Variants in MARCHF6 observed in about 807,000 individuals in gnomAD.
MARCHF6 encodes the protein membrane associated ring-CH-type finger 6.
MARCHF6 carries 31 observed loss-of-function variants against 133.7 expected under a neutral mutation model. That is an observed-to-expected ratio of 0.23 (90% CI 0.17 to 0.31). The LOEUF is 0.31. Ranked by LOEUF, MARCHF6 falls within the 10% of genes least tolerant of loss-of-function variation. The probability of loss-of-function intolerance (pLI) is 1.00; values close to 1 mark genes in which losing one functional copy is unlikely to be tolerated. For synonymous variants in MARCHF6, 395 were observed against 402.5 expected, an observed-to-expected ratio of 0.98 and a Z score of 0.22; for missense variants, 723 against 1,121.6, an observed-to-expected ratio of 0.64 and a Z score of 5.08.
rs778318647 is a variant in MARCHF6 at position 10,433,658 on chromosome 5, C to T, written c.2707C>T (p.Pro903Ser). ...RKSGKQGSSP[P>S]PPQSSQE ...ATCTGGCAAACAAGGCTCATCTCCACCACCTCCACAGTCATCCCAAGAATA... is the reference window on the plus strand; with the variant it reads ...ATCTGGCAAACAAGGCTCATCTCCATCACCTCCACAGTCATCCCAAGAATA... The change falls in exon 26 of 26, where the codon CCA becomes TCA. Residue 903 changes from proline to serine, a missense_variant. Pro to Ser is a moderately conservative substitution (Grantham distance 74, BLOSUM62 -1). Coordinates refer to ENST00000274140, the MANE Select transcript of MARCHF6 (RefSeq NM_005885.4). 4.3e-6 allele frequency: 7 copies of T among 1,614,064 alleles called. No homozygotes were observed. In the African/African-American group the frequency reaches 8.0e-5, roughly 18 times the overall value.
At chr5:10,373,855 A>G (rs951045238) in intron 1 of MARCHF6, among the ~76,000 whole-genome samples, 8 of 152,096 alleles carry the variant, frequency 5.3e-5, no homozygotes, top group African/African-American at 1.9e-4. Flanking sequence ...AATCCACAGT[A>G]TTGTTGTGAA....
intron 11 of MARCHF6, 114 bp from the exon 12 acceptor site, chr5:10,401,945 T>C (rs777864810): frequency 4.4e-6 from 3 of 681,984 alleles, no homozygotes; most frequent in Admixed American, 5.1e-5. Flanking sequence ...TGTTTCCTGG[T>C]TATAAATTGT....
Position 10,396,008 on chromosome 5 carries a change from A to G in MARCHF6, c.861+1223A>G, listed in dbSNP as rs146858329. Among the ~76,000 whole-genome samples the G allele has an allele frequency of 2.4e-3, 359 of 152,360 alleles. 2 individuals carry two copies. The highest frequency in any genetic ancestry group is 8.2e-3 in the African/African-American group (343 of 41,578). ...TACCCCATCAGTTCCTCATAAATGA[A>G]GGACAGAAGTCGTTGAGGTAGTGGT... On this transcript the variant is annotated intron_variant, in intron 9 of 25. Coordinates refer to ENST00000274140, the MANE Select transcript of MARCHF6 (RefSeq NM_005885.4).
At chr5:10,414,885 C>A (rs951943165) in intron 20 of MARCHF6, among the ~76,000 whole-genome samples, 1 of 152,134 alleles carries the variant, frequency 6.6e-6, no homozygotes, top group African/African-American at 2.4e-5. Flanking sequence ...TGAGGCACTC[C>A]CTTAGACTGC....
intron 19 of MARCHF6, among the ~76,000 whole-genome samples, chr5:10,412,061 T>C (rs1164148443): frequency 6.6e-6 from 1 of 152,218 alleles, no homozygotes; most frequent in Non-Finnish European, 1.5e-5. Context: ...AGTCTGTTAT[T>C]TTAAAATGCC....
At chr5:10,366,289 G>A (rs189658956) in intron 1 of MARCHF6, among the ~76,000 whole-genome samples, 42 of 152,260 alleles carry the variant, frequency 2.8e-4, no homozygotes, top group Admixed American at 1.5e-3. Flanking sequence ...TTATATAGCC[G>A]CTTCCCTATT....
chr5:10,407,487 A>G (rs1045460399), intron 17 of MARCHF6, among the ~76,000 whole-genome samples: 40 of 152,378 alleles, frequency 2.6e-4, no homozygotes, highest in African/African-American at 8.7e-4. Flanking sequence ...TTCTGCGCAT[A>G]AAGTATGCAT....
At chr5:10,423,228 G>A (rs1403063033) in intron 22 of MARCHF6, among the ~76,000 whole-genome samples, 3 of 152,078 alleles carry the variant, frequency 2.0e-5, no homozygotes, top group South Asian at 2.1e-4. Context: ...GAGCTGGAGG[G>A]TGGGCAGGCC....
At position 10,440,235 on chromosome 5, in the gene MARCHF6, G is replaced by C. The variant is rs1740806703; in HGVS notation, c.*6551G>C. ...AATGCTAAGTTAGTAAATAAATGAT[G>C]AATTTAGAATCAAAATAATGTGTCT... On this transcript the variant is annotated 3_prime_UTR_variant, in exon 26 of 26. Coordinates refer to ENST00000274140, the MANE Select transcript of MARCHF6 (RefSeq NM_005885.4). 2 of 152,144 alleles carry C rather than the reference G, an allele frequency of 1.3e-5. No homozygotes were observed. Among genetic ancestry groups the C allele is most frequent in the Non-Finnish European group, 2.9e-5 (2 of 68,024 alleles). The allele number at this position is 152,144 out of a possible 1,614,324, so 9.4% of individuals were successfully genotyped here.
At chr5:10,356,397 A>G (rs183336222) in intron 1 of MARCHF6, among the ~76,000 whole-genome samples, 2 of 139,162 alleles carry the variant, frequency 1.4e-5, no homozygotes, top group South Asian at 2.2e-4. Context: ...ATTTTATTTT[A>G]TTTTATTTTA....
chr5:10,385,755 A>T lies in MARCHF6; in HGVS notation c.335-1239A>T, dbSNP rs141965560. On this transcript the variant is annotated intron_variant, in intron 4 of 25. Coordinates refer to ENST00000274140, the MANE Select transcript of MARCHF6 (RefSeq NM_005885.4). Reference sequence around the variant, plus strand: ...AAATAGAATTAAAGAACTTTTATACACCAGAAAGCTGGGCCTTGAAATATG... The same window carrying T: ...AAATAGAATTAAAGAACTTTTATACTCCAGAAAGCTGGGCCTTGAAATATG... Among the ~76,000 whole-genome samples, 330 of 152,364 alleles carry T rather than the reference A, an allele frequency of 2.2e-3. 3 individuals are homozygous for T. The highest frequency in any genetic ancestry group is 7.7e-3 in the African/African-American group (319 of 41,592).
intron 7 of MARCHF6, among the ~76,000 whole-genome samples, chr5:10,393,731 C>T (rs1168156802): frequency 2.0e-5 from 3 of 152,208 alleles, no homozygotes; most frequent in East Asian, 1.9e-4. Context: ...CTACCCATAT[C>T]ATTAGTCAGA....
intron 25 of MARCHF6, 62 bp downstream of exon 25, chr5:10,430,090 G>C (rs1181483171): frequency 2.6e-6 from 4 of 1,538,910 alleles, no homozygotes; most frequent in Non-Finnish European, 8.9e-7. Context: ...TTATGTATCT[G>C]ATGTGACAAA....
At chr5:10,418,752 T>G (rs1739673479) in intron 22 of MARCHF6, among the ~76,000 whole-genome samples, 1 of 152,184 alleles carries the variant, frequency 6.6e-6, no homozygotes, top group Non-Finnish European at 1.5e-5. Context: ...ACACCCTGGA[T>G]TGTATCACCC....
intron 1 of MARCHF6, among the ~76,000 whole-genome samples, chr5:10,367,950 G>C (rs150013992): frequency 2.0e-5 from 3 of 152,144 alleles, no homozygotes; most frequent in Non-Finnish European, 2.9e-5. Flanking sequence ...GTAGGTTTGC[G>C]TTCATAACAA....
intron 21 of MARCHF6, 101 bp from the exon 22 acceptor site, chr5:10,417,169 T>C: frequency 7.5e-7 from 1 of 1,326,028 alleles, no homozygotes; most frequent in Non-Finnish European, 1.0e-6. Context: ...GAGGGATGAC[T>C]GTGGTTGCTC....
chr5:10,386,681 A>G lies in MARCHF6; in HGVS notation c.335-313A>G, dbSNP rs545981232. The stretch of plus-strand genomic sequence containing the variant: ...TTCTAGAATTTAAAAAATTCTTTAT[A>G]TTATAATTTTGGAGATCTTTACTTT... On this transcript the variant is annotated intron_variant, in intron 4 of 25. Coordinates refer to ENST00000274140, the MANE Select transcript of MARCHF6 (RefSeq NM_005885.4). 3.3e-5 allele frequency among the ~76,000 whole-genome samples: 5 copies of G among 152,296 alleles called. No homozygotes were observed. The East Asian group carries it at 5.8e-4, about 18-fold the overall frequency.
intron 1 of MARCHF6, among the ~76,000 whole-genome samples, chr5:10,376,269 G>A (rs1200728873): frequency 1.3e-5 from 2 of 152,190 alleles, no homozygotes; most frequent in South Asian, 2.1e-4. Flanking sequence ...GCGAGACCAC[G>A]AGCCCACCAG....
chr5:10,420,084 A>G (rs975406188), intron 22 of MARCHF6, among the ~76,000 whole-genome samples: 3 of 151,920 alleles, frequency 2.0e-5, no homozygotes, highest in African/African-American at 7.3e-5. Flanking sequence ...GGGGCTGTTG[A>G]CTGGAGCTCC....
Sources: allele counts gnomAD v4.1 joint callset (sites outside exome capture counted in the v4.1 genomes callset), GRCh38; gene constraint gnomAD v4.1.1; transcripts MANE v1.5; gene names NCBI Gene and HGNC (gene_info 2026-07-23, HGNC 2026-07-21).